Variants in PDE1A observed in about 807,000 individuals in gnomAD.
PDE1A encodes dual specificity calcium/calmodulin-dependent 3',5'-cyclic nucleotide phosphodiesterase 1A.
PDE1A carries 35 observed loss-of-function variants against 61.7 expected under a neutral mutation model. The ratio of observed to expected loss-of-function variants is 0.57; its 90% confidence interval spans 0.43 to 0.75. The LOEUF (loss-of-function observed/expected upper bound fraction) is 0.75, where lower values mean the gene tolerates loss of function less well. Ranked by LOEUF, PDE1A falls within the 30% of genes least tolerant of loss-of-function variation. The pLI, the probability that PDE1A is intolerant of heterozygous loss-of-function variation, is 0.00. For synonymous variants in PDE1A, 232 were observed against 213.2 expected (o/e 1.09, Z -0.77); for missense variants, 597 against 630.6 (o/e 0.95, Z 0.57).
chr2:182,574,509 A>C, the PDE1A span, among the ~76,000 whole-genome samples: 1 of 152,186 alleles, frequency 6.6e-6, no homozygotes, highest in Non-Finnish European at 1.5e-5. Context: ...AAACGCACCA[A>C]TCCCCAACCC....
chr2:182,632,326 C>G, the PDE1A span, among the ~76,000 whole-genome samples: 1 of 151,946 alleles, frequency 6.6e-6, no homozygotes, highest in African/African-American at 2.4e-5. Context: ...ATAAATAAAA[C>G]TGATGATGTT....
At chr2:182,380,490 C>T (rs1700672030) in intron 1 of PDE1A, among the ~76,000 whole-genome samples, 1 of 152,038 alleles carries the variant, frequency 6.6e-6, no homozygotes, top group African/African-American at 2.4e-5. Context: ...CCACTCACGG[C>T]AATGTGATAC....
chr2:182,525,697 T>A (rs1051934757), upstream of PDE1A, among the ~76,000 whole-genome samples: 2 of 151,958 alleles, frequency 1.3e-5, no homozygotes, highest in Non-Finnish European at 2.9e-5. Flanking sequence ...CCTCTTTTCT[T>A]TATAAGTTAC....
chr2:182,653,105 A>G, the PDE1A span, among the ~76,000 whole-genome samples: 1 of 152,212 alleles, frequency 6.6e-6, no homozygotes, highest in Non-Finnish European at 1.5e-5. Flanking sequence ...CCCATAACAT[A>G]GGAATCACTT....
At chr2:182,398,145 G>A (rs926389501) in intron 1 of PDE1A, among the ~76,000 whole-genome samples, 1 of 151,940 alleles carries the variant, frequency 6.6e-6, no homozygotes, top group African/African-American at 2.4e-5. Context: ...AGCTTGAGTT[G>A]GGTGAAGTCA....
chr2:182,466,550 C>A (rs1361750882), intron 2 of PDE1A, among the ~76,000 whole-genome samples: 1 of 151,886 alleles, frequency 6.6e-6, no homozygotes, highest in South Asian at 2.1e-4. Flanking sequence ...AAATAGTAAA[C>A]CATCTCACCT....
intron 2 of PDE1A, among the ~76,000 whole-genome samples, chr2:182,496,041 T>C (rs72886938): frequency 2.0e-5 from 3 of 152,314 alleles, no homozygotes; most frequent in South Asian, 2.1e-4. Flanking sequence ...GAAAAACACA[T>C]ATCTTCCAAA....
chr2:182,154,200 T>G (rs116673650), intron 13 of PDE1A, among the ~76,000 whole-genome samples: 3,401 of 152,278 alleles, frequency 0.022, 137 homozygotes, highest in African/African-American at 0.078. Flanking sequence ...TTCAATTGCC[T>G]TTAGTAAAAA....
rs76250130 is a variant in PDE1A at position 182,519,266 on chromosome 2, C to G, written c.101+3010G>C. 8.2e-3 allele frequency among the ~76,000 whole-genome samples: 1,240 copies of G among 152,144 alleles called. 26 individuals carry two copies. The highest frequency in any genetic ancestry group is 0.028 in the African/African-American group (1,156 of 41,552). On this transcript the variant is annotated intron_variant, in intron 2 of 14. Coordinates refer to the PDE1A transcript ENST00000410103. ...TTTTCCAGCCCTAAACGATTGATAA[C>G]TTATGGCCAAGTATATAATTCTTTT...
At chr2:182,197,285 CTAT>C (rs1686211978) in intron 10 of PDE1A, among the ~76,000 whole-genome samples, 1 of 151,512 alleles carries the variant, frequency 6.6e-6, no homozygotes, top group South Asian at 2.1e-4. Flanking sequence ...TGTTGGAGTT[CTAT>C]ATGCAATTGG....
At chr2:182,445,087 G>A (rs77328753) in intron 2 of PDE1A, among the ~76,000 whole-genome samples, 5,982 of 152,162 alleles carry the variant, frequency 0.039, 138 homozygotes, top group Middle Eastern at 0.075. Flanking sequence ...CATTCAGTGC[G>A]ACTAAATGAG....
intron 7 of PDE1A, among the ~76,000 whole-genome samples, chr2:182,218,218 A>G (rs1688388647): frequency 6.9e-6 from 1 of 144,792 alleles, no homozygotes; most frequent in East Asian, 2.1e-4. Flanking sequence ...GAATTGAACA[A>G]TGAGAACACA....
the PDE1A span, among the ~76,000 whole-genome samples, chr2:182,571,134 A>T: frequency 6.6e-6 from 1 of 152,238 alleles, no homozygotes; most frequent in Admixed American, 6.5e-5. Flanking sequence ...AATGGGTGCC[A>T]ACAATTTATC....
intron 7 of PDE1A, among the ~76,000 whole-genome samples, chr2:182,223,011 A>C (rs1574065525): frequency 6.6e-6 from 1 of 152,126 alleles, no homozygotes; most frequent in South Asian, 2.1e-4. Context: ...TCATGTGTTG[A>C]AGCCCTAACT....
the PDE1A span, among the ~76,000 whole-genome samples, chr2:182,578,165 T>C: frequency 1.6e-3 from 250 of 152,340 alleles, 1 homozygote; most frequent in African/African-American, 5.6e-3. Context: ...ATGGAACCTC[T>C]ATAATAAAGC....
chr2:182,497,002 A>G (rs1688755499), intron 2 of PDE1A, among the ~76,000 whole-genome samples: 1 of 152,238 alleles, frequency 6.6e-6, no homozygotes, highest in Non-Finnish European at 1.5e-5. Context: ...TCCTTATATG[A>G]TAAATGGAGT....
At chr2:182,648,762 A>G in the PDE1A span, among the ~76,000 whole-genome samples, 1 of 152,058 alleles carries the variant, frequency 6.6e-6, no homozygotes, top group Non-Finnish European at 1.5e-5. Context: ...ATTAATTTAA[A>G]TAAACACCAA....
the PDE1A span, among the ~76,000 whole-genome samples, chr2:182,655,632 T>C: frequency 1.3e-4 from 20 of 152,238 alleles, no homozygotes; most frequent in Admixed American, 2.6e-4. Context: ...AAAACATGCA[T>C]TATTTTGCAA....
chr2:182,542,056 G>A, the PDE1A span, among the ~76,000 whole-genome samples: 3 of 151,958 alleles, frequency 2.0e-5, no homozygotes, highest in African/African-American at 7.2e-5. Flanking sequence ...AGAAACATTT[G>A]CTGAAAATAT....
Sources: allele counts gnomAD v4.1 joint callset (sites outside exome capture counted in the v4.1 genomes callset), GRCh38; gene constraint gnomAD v4.1.1; transcripts MANE v1.5; gene names NCBI Gene and HGNC (gene_info 2026-07-23, HGNC 2026-07-21).